The following ASTN2 variants were observed in gnomAD, a reference collection of about 807,000 sequenced individuals.
ASTN2 encodes the protein astrotactin-2.
Under a neutral mutation model 139.8 loss-of-function variants are expected in ASTN2, and 54 were observed. The ratio of observed to expected loss-of-function variants is 0.39; its 90% CI spans 0.31 to 0.48. The LOEUF (loss-of-function observed/expected upper bound fraction) is 0.48. Ranked by LOEUF, ASTN2 falls within the 20% of genes least tolerant of loss-of-function variation. The pLI is 0.95. For missense variants in ASTN2, 1,565 were observed against 1,725.1 expected, an observed-to-expected ratio of 0.91 and a Z score of 1.64; for synonymous variants, 756 against 719.5, an observed-to-expected ratio of 1.05 and a Z score of -0.81.
chr9:116,619,192 C>A (rs1419195942), intron 18 of ASTN2, among the ~76,000 whole-genome samples: 1 of 152,112 alleles, frequency 6.6e-6, no homozygotes, highest in Non-Finnish European at 1.5e-5. Context: ...TCTTCTCACC[C>A]ACAGAGTTCG....
At chr9:117,263,626 T>G (rs1833874882) in intron 2 of ASTN2, among the ~76,000 whole-genome samples, 1 of 152,174 alleles carries the variant, frequency 6.6e-6, no homozygotes, top group Non-Finnish European at 1.5e-5. Context: ...TACTCGGGAA[T>G]TGAAGTAGTG....
At chr9:116,508,823 G>C (rs1850228966) in intron 19 of ASTN2, among the ~76,000 whole-genome samples, 3 of 152,130 alleles carry the variant, frequency 2.0e-5, no homozygotes, top group Admixed American at 6.6e-5. Flanking sequence ...AGAGGGCAAA[G>C]AAGAAAGTGT....
chr9:116,829,024 C>T (rs137970525), intron 11 of ASTN2, among the ~76,000 whole-genome samples: 2 of 151,892 alleles, frequency 1.3e-5, no homozygotes, highest in African/African-American at 2.4e-5. Flanking sequence ...CATAAATACA[C>T]AGAGAAACAT....
chr9:117,045,826 G>T (rs976682332), intron 5 of ASTN2, among the ~76,000 whole-genome samples: 2 of 152,104 alleles, frequency 1.3e-5, no homozygotes, highest in African/African-American at 4.8e-5. Context: ...AGGCTGAGAA[G>T]TAATTTATTT....
intron 10 of ASTN2, among the ~76,000 whole-genome samples, chr9:116,951,750 C>T (rs1048855161): frequency 1.1e-4 from 16 of 152,200 alleles, no homozygotes; most frequent in Non-Finnish European, 1.9e-4. Flanking sequence ...TCACTTTTCT[C>T]TCTTCCACTC....
At chr9:117,153,503 T>A (rs1345530467) in intron 3 of ASTN2, among the ~76,000 whole-genome samples, 1 of 152,118 alleles carries the variant, frequency 6.6e-6, no homozygotes, top group Non-Finnish European at 1.5e-5. Flanking sequence ...TCAAGATACA[T>A]ATCATTATCT....
intron 1 of ASTN2, among the ~76,000 whole-genome samples, chr9:117,336,020 A>G (rs1308784442): frequency 6.9e-6 from 1 of 144,522 alleles, no homozygotes; most frequent in Non-Finnish European, 1.5e-5. Context: ...ATTGGCAGTG[A>G]GTGTAGGCAG....
chr9:116,824,897 T>TA (rs1419715520), intron 11 of ASTN2, among the ~76,000 whole-genome samples: 1 of 152,178 alleles, frequency 6.6e-6, no homozygotes, highest in Admixed American at 6.5e-5. Context: ...AAAAGTATGG[T>TA]AAAATTTGTT....
Position 116,524,790 on chromosome 9 carries a change from A to T in ASTN2, c.3356-37290T>A, listed in dbSNP as rs114657684. Among the ~76,000 whole-genome samples the T allele has an allele frequency of 4.5e-3, 692 of 152,312 alleles. 4 individuals carry two copies. Among genetic ancestry groups the T allele is most frequent in the African/African-American group, 0.016 (671 of 41,576 alleles). ...ATTCCTTCTCAGGGTTACATGGCCA[A>T]GGTACCCATTCCTCTCTGTAGAGAT... On this transcript the variant is annotated intron_variant, in intron 19 of 22. Coordinates refer to ENST00000313400, the MANE Select transcript of ASTN2 (RefSeq NM_001365068.1).
At chr9:117,016,777 TATATATATAGG>T (rs1837722425) in intron 6 of ASTN2, among the ~76,000 whole-genome samples, 1 of 86,784 alleles carries the variant, frequency 1.2e-5, no homozygotes, top group Non-Finnish European at 2.7e-5. Flanking sequence ...ATATAGGTTT[TATATATATAGG>T]TTATATATAG....
chr9:117,235,255 CG>C (rs1833012103), intron 2 of ASTN2, among the ~76,000 whole-genome samples: 1 of 150,442 alleles, frequency 6.6e-6, no homozygotes, highest in African/African-American at 2.4e-5. Flanking sequence ...AAAAAAAAGG[CG>C]GGGGGAGGAT....
At chr9:116,849,260 C>A (rs1034086314) in intron 11 of ASTN2, among the ~76,000 whole-genome samples, 1 of 152,110 alleles carries the variant, frequency 6.6e-6, no homozygotes, top group Non-Finnish European at 1.5e-5. Context: ...AAATCATTGG[C>A]CACTGGTGAT....
intron 19 of ASTN2, among the ~76,000 whole-genome samples, chr9:116,548,624 C>G (rs886297622): frequency 6.6e-6 from 1 of 152,122 alleles, no homozygotes; most frequent in Non-Finnish European, 1.5e-5. Context: ...AGGTGCCCCC[C>G]ACTATGCTCG....
At chr9:116,999,021 A>G (rs1344567433) in intron 7 of ASTN2, among the ~76,000 whole-genome samples, 1 of 152,226 alleles carries the variant, frequency 6.6e-6, no homozygotes, top group East Asian at 1.9e-4. Flanking sequence ...AACCACATAC[A>G]GTGTATTCTC....
chr9:117,256,473 T>TA (rs1833689821), intron 2 of ASTN2, among the ~76,000 whole-genome samples: 1 of 152,148 alleles, frequency 6.6e-6, no homozygotes, highest in Non-Finnish European at 1.5e-5. Context: ...GTTCCCATCT[T>TA]AAAGGTAAAG....
chr9:117,007,563 G>C (rs1021994288), intron 7 of ASTN2, among the ~76,000 whole-genome samples: 1 of 152,176 alleles, frequency 6.6e-6, no homozygotes, highest in Non-Finnish European at 1.5e-5. Flanking sequence ...TAGCATGTAA[G>C]CTTCATGAGG....
At position 116,733,486 on chromosome 9, in the gene ASTN2, C is replaced by T. The variant is rs1828842656; in HGVS notation, c.2434G>A (p.Asp812Asn). The T allele has an allele frequency of 6.2e-7, 1 of 1,614,216 alleles. No individual in the cohort carries two copies. The highest frequency in any genetic ancestry group is 8.5e-7 in the Non-Finnish European group (1 of 1,180,038). ...GGCAGCGGGATCACCAACAGCCCAT[C>T]GGCCAGCTGGGGAAAGTCCTTGATG... Reference protein sequence around the residue: ...NFIKDFPQLADGLLVIPLPVE... With the variant: ...NFIKDFPQLANGLLVIPLPVE... Residue 812 changes from aspartate to asparagine, a missense_variant, in exon 14 of 23, where the codon GAT becomes AAT. By Grantham distance (23) the Asp-to-Asn change is conservative. Transcript: ENST00000313400.
chr9:117,230,785 A>G (rs749483816), intron 2 of ASTN2, among the ~76,000 whole-genome samples: 1 of 152,188 alleles, frequency 6.6e-6, no homozygotes, highest in African/African-American at 2.4e-5. Context: ...CAGTGCATGC[A>G]TCATGGAAAG....
At chr9:117,292,188 T>C (rs542460644) in intron 1 of ASTN2, among the ~76,000 whole-genome samples, 2 of 152,342 alleles carry the variant, frequency 1.3e-5, no homozygotes, top group South Asian at 2.1e-4. Flanking sequence ...CGTTCTCATA[T>C]AGCCAGTGAG....
Sources: allele counts gnomAD v4.1 joint callset (sites outside exome capture counted in the v4.1 genomes callset), GRCh38; gene constraint gnomAD v4.1.1; transcripts MANE v1.5; gene names NCBI Gene and HGNC (gene_info 2026-07-23, HGNC 2026-07-21).